ELAVL2: variants seen among roughly 807,000 people sequenced by gnomAD.
The protein encoded by ELAVL2 is ELAV-like protein 2.
ELAVL2 carries 4 observed loss-of-function variants against 34.6 expected under a neutral mutation model. That is an observed-to-expected ratio of 0.12 (90% CI 0.06 to 0.26). ELAVL2 has a LOEUF of 0.26. Among genes scored for constraint, ELAVL2 ranks in the 10% least tolerant of loss-of-function variants. The probability of loss-of-function intolerance (pLI) is 1.00; values close to 1 mark genes in which losing one functional copy is unlikely to be tolerated. For missense variants in ELAVL2, 432 were observed against 442.8 expected (o/e 0.98, Z 0.22); for synonymous variants, 193 against 154.8 (o/e 1.25, Z -1.83).
At chr9:23,762,411 T>C (rs891279281) in intron 1 of ELAVL2, among the ~76,000 whole-genome samples, 162 bp from the exon 2 acceptor site, 3 of 152,142 alleles carry the variant, frequency 2.0e-5, no homozygotes, top group African/African-American at 7.2e-5. Context: ...TTTCACTTCA[T>C]ATTAACCTAT....
At chr9:23,695,299 GC>G (rs1195342399) in intron 5 of ELAVL2, among the ~76,000 whole-genome samples, 1 of 152,198 alleles carries the variant, frequency 6.6e-6, no homozygotes, top group Non-Finnish European at 1.5e-5. Context: ...CAACCAAAGT[GC>G]TAGAAGACCC....
upstream of ELAVL2, chr9:23,826,464 G>A (rs1472870871): frequency 6.6e-6 from 1 of 152,376 alleles, no homozygotes; most frequent in African/African-American, 2.4e-5. Flanking sequence ...CGCGTGAGAC[G>A]ATTGGCTATG....
chr9:23,793,645 C>G (rs372920423), intron 1 of ELAVL2, among the ~76,000 whole-genome samples: 2 of 152,122 alleles, frequency 1.3e-5, no homozygotes, highest in East Asian at 1.9e-4. Context: ...GCCTGAGCTT[C>G]GTAACCTATA....
At chr9:23,803,721 C>T (rs560357851) in intron 1 of ELAVL2, among the ~76,000 whole-genome samples, 1 of 152,162 alleles carries the variant, frequency 6.6e-6, no homozygotes, top group South Asian at 2.1e-4. Context: ...CACACTTAAT[C>T]CTCTTCTCCT....
chr9:23,718,985 T>C (rs1374054767), intron 3 of ELAVL2, among the ~76,000 whole-genome samples: 1 of 152,178 alleles, frequency 6.6e-6, no homozygotes, highest in Non-Finnish European at 1.5e-5. Flanking sequence ...GTTGTGAAGA[T>C]TTTAAAAGAA....
intron 3 of ELAVL2, among the ~76,000 whole-genome samples, chr9:23,712,857 G>T (rs571561456): frequency 4.1e-4 from 62 of 152,288 alleles, no homozygotes; most frequent in Non-Finnish European, 7.2e-4. Context: ...CTATGACATT[G>T]TTAAAGACAA....
At chr9:23,750,291 G>T (rs930520582) in intron 2 of ELAVL2, among the ~76,000 whole-genome samples, 3 of 151,812 alleles carry the variant, frequency 2.0e-5, no homozygotes. Context: ...TTTTGCAAAG[G>T]CTCCCAATTT....
At chr9:23,734,887 G>C (rs541772109) in intron 2 of ELAVL2, among the ~76,000 whole-genome samples, 1 of 151,748 alleles carries the variant, frequency 6.6e-6, no homozygotes, top group Non-Finnish European at 1.5e-5. Context: ...TGGGCCACCA[G>C]GGAAGGCTTG....
intron 2 of ELAVL2, among the ~76,000 whole-genome samples, chr9:23,754,844 T>C (rs1303693119): frequency 6.6e-6 from 1 of 152,104 alleles, no homozygotes; most frequent in Non-Finnish European, 1.5e-5. Context: ...CTTTTCTCCC[T>C]AAAAGCAGAG....
At chr9:23,703,401 AATGTAT>A (rs2038154742) in intron 4 of ELAVL2, among the ~76,000 whole-genome samples, 1 of 152,236 alleles carries the variant, frequency 6.6e-6, no homozygotes, top group Non-Finnish European at 1.5e-5. Context: ...ACAGGGTGGC[AATGTAT>A]AAGTATTATG....
chr9:23,829,502 T>C (rs191438984), upstream of ELAVL2, among the ~76,000 whole-genome samples: 1 of 152,358 alleles, frequency 6.6e-6, no homozygotes, highest in East Asian at 1.9e-4. Context: ...CTTAAGGCAG[T>C]AATTTCCAAC....
intron 2 of ELAVL2, among the ~76,000 whole-genome samples, chr9:23,758,123 TAA>T (rs2054016423): frequency 6.6e-6 from 1 of 152,070 alleles, no homozygotes. Context: ...GGAGGTAGAA[TAA>T]GCTGGATAAT....
At chr9:23,818,910 T>G (rs1315877576) in intron 1 of ELAVL2, among the ~76,000 whole-genome samples, 1 of 152,222 alleles carries the variant, frequency 6.6e-6, no homozygotes, top group Non-Finnish European at 1.5e-5. Flanking sequence ...GGTGCTCTTG[T>G]GCAATGCCAA....
At chr9:23,731,151 C>A in intron 2 of ELAVL2, 26 bp from the exon 3 acceptor site, 1 of 1,600,366 alleles carries the variant, frequency 6.2e-7, no homozygotes, top group Non-Finnish European at 8.5e-7. Context: ...GGGAAAAAGG[C>A]ATATATTAGT....
rs144547006 is a variant in ELAVL2, at chr9:23,713,675, T to C, written c.334-8604A>G. On this transcript the variant is annotated intron_variant, in intron 3 of 6. Coordinates refer to ENST00000397312, the MANE Select transcript of ELAVL2 (RefSeq NM_004432.5). The stretch of plus-strand genomic sequence containing the variant: ...TTAGCCACATAATATTTATAAATAC[T>C]AAGTAATGTGAATAGGCTGCAACTG... Among the ~76,000 whole-genome samples the C allele has an allele frequency of 5.3e-5, 8 of 152,274 alleles. No homozygotes were observed. The East Asian group carries it at 1.5e-3, about 29-fold the overall frequency.
At chr9:23,759,462 A>G (rs2054347599) in intron 2 of ELAVL2, among the ~76,000 whole-genome samples, 1 of 151,796 alleles carries the variant, frequency 6.6e-6, no homozygotes, top group Non-Finnish European at 1.5e-5. Flanking sequence ...CACTGTTAAA[A>G]GAAATAAGTT....
At chr9:23,734,096 G>A (rs2047251403) in intron 2 of ELAVL2, among the ~76,000 whole-genome samples, 1 of 152,160 alleles carries the variant, frequency 6.6e-6, no homozygotes, top group Non-Finnish European at 1.5e-5. Flanking sequence ...TAATATGAAA[G>A]GGGGTATCTG....
At chr9:23,768,958 G>C (rs887855768) in intron 1 of ELAVL2, among the ~76,000 whole-genome samples, 1 of 152,158 alleles carries the variant, frequency 6.6e-6, no homozygotes, top group Non-Finnish European at 1.5e-5. Context: ...ATCATGGCTA[G>C]AGGCAAAGAC....
intron 1 of ELAVL2, chr9:23,765,016 C>CAAGGCTCTGCTGCCCACG: frequency 6.2e-7 from 1 of 1,609,540 alleles, no homozygotes; most frequent in Non-Finnish European, 8.5e-7. Flanking sequence ...GACCCCGGTC[C>CAAGGCTCTGCTGCCCACG]AAGGCTCTGC....
Sources: allele counts gnomAD v4.1 joint callset (sites outside exome capture counted in the v4.1 genomes callset), GRCh38; gene constraint gnomAD v4.1.1; transcripts MANE v1.5; gene names NCBI Gene and HGNC (gene_info 2026-07-23, HGNC 2026-07-21).